The following DIRAS2 variants were observed in gnomAD, a reference collection of about 807,000 sequenced individuals.
DIRAS2 encodes DIRAS family GTPase 2.
In DIRAS2, 5 loss-of-function variants were observed where a neutral mutation model predicts 13.9. The observed-to-expected ratio is 0.36, with a 90% CI of 0.19 to 0.76. The LOEUF is 0.76. Among genes scored for constraint, DIRAS2 ranks in the 30% least tolerant of loss-of-function variants. The pLI, the probability that DIRAS2 is intolerant of heterozygous loss-of-function variation, is 0.53. For missense variants in DIRAS2, 191 were observed against 263.0 expected, an observed-to-expected ratio of 0.73 and a Z score of 1.89; for synonymous variants, 111 against 105.4, an observed-to-expected ratio of 1.05 and a Z score of -0.33.
chr9:90,613,451 C>G lies in DIRAS2; in HGVS notation c.377G>C (p.Ser126Thr). 2 of 1,614,112 alleles carry G rather than the reference C, an allele frequency of 1.2e-6. No individual in the cohort carries two copies. The highest frequency in any genetic ancestry group is 1.7e-6 in the Non-Finnish European group (2 of 1,180,026). Residue 126 changes from serine to threonine, a missense_variant, in exon 2 of 2, where the codon AGC becomes ACC. Ser to Thr is a moderately conservative substitution (Grantham distance 58). Transcript: ENST00000375765. The surrounding 1 kb of genome is among the most constrained non-coding windows in gnomAD (Gnocchi z 5.6). ...GCTGCTCTGCACCTCGCGGCTGGGGCTCTCATCACACTTGTTCCCCACCAG... is the reference window on the plus strand; with the variant it reads ...GCTGCTCTGCACCTCGCGGCTGGGGGTCTCATCACACTTGTTCCCCACCAG... Reference protein sequence around the residue: ...IMLVGNKCDESPSREVQSSEA... With the variant: ...IMLVGNKCDETPSREVQSSEA...
At chr9:90,634,664 G>T (rs1409337476) in intron 1 of DIRAS2, among the ~76,000 whole-genome samples, 1 of 152,166 alleles carries the variant, frequency 6.6e-6, no homozygotes, top group East Asian at 1.9e-4. Flanking sequence ...GGAGGAAAGT[G>T]GATTTAACCA....
chr9:90,623,982 G>A (rs1825245279), intron 1 of DIRAS2, among the ~76,000 whole-genome samples: 1 of 152,170 alleles, frequency 6.6e-6, no homozygotes, highest in South Asian at 2.1e-4. Context: ...TGCCCTAAAT[G>A]TTCTATCTAC....
At chr9:90,632,947 G>A (rs142052379) in intron 1 of DIRAS2, among the ~76,000 whole-genome samples, 1 of 152,306 alleles carries the variant, frequency 6.6e-6, no homozygotes, top group East Asian at 1.9e-4. Context: ...GCTGCTACTT[G>A]GTGATATCCA....
intron 1 of DIRAS2, among the ~76,000 whole-genome samples, chr9:90,634,448 A>G (rs1410338758): frequency 6.6e-6 from 1 of 152,248 alleles, no homozygotes; most frequent in Non-Finnish European, 1.5e-5. Flanking sequence ...AACCTCATAC[A>G]GTCCTAATAC....
At position 90,611,702 on chromosome 9, in the gene DIRAS2, C is replaced by G. The variant is rs147039137; in HGVS notation, c.*1526G>C. 2 of 152,320 alleles carry G rather than the reference C, an allele frequency of 1.3e-5. No individual in the cohort carries two copies. Among genetic ancestry groups the G allele is most frequent in the African/African-American group, 4.8e-5 (2 of 41,456 alleles). 9.4% of individuals were successfully genotyped at this position (152,320 alleles called of 1,614,324 possible). ...CCAACAGCCATGCAGCCCCCACCCCCCCAGGCAGGCCCACGTGGGACTGCA... is the reference window on the plus strand; with the variant it reads ...CCAACAGCCATGCAGCCCCCACCCCGCCAGGCAGGCCCACGTGGGACTGCA... On this transcript the variant is annotated 3_prime_UTR_variant, in exon 2 of 2. Coordinates refer to ENST00000375765, the MANE Select transcript of DIRAS2 (RefSeq NM_017594.5).
At chr9:90,635,519 C>T (rs1355792310) in intron 1 of DIRAS2, among the ~76,000 whole-genome samples, 1 of 152,218 alleles carries the variant, frequency 6.6e-6, no homozygotes, top group African/African-American at 2.4e-5. Context: ...AAATGCTCTA[C>T]ATGCTTCATG....
chr9:90,642,204 T>C (rs1347126091), intron 1 of DIRAS2, among the ~76,000 whole-genome samples: 1 of 152,248 alleles, frequency 6.6e-6, no homozygotes, highest in African/African-American at 2.4e-5. Context: ...TGCAGCCCCT[T>C]GCCCATCTTC....
chr9:90,630,454 T>A (rs146080021), intron 1 of DIRAS2, among the ~76,000 whole-genome samples: 40 of 152,316 alleles, frequency 2.6e-4, no homozygotes, highest in Non-Finnish European at 4.7e-4. Flanking sequence ...ACAGAAAAGA[T>A]CTTGAAGCCA....
intron 1 of DIRAS2, among the ~76,000 whole-genome samples, chr9:90,621,821 T>A (rs72746505): frequency 0.048 from 7,348 of 152,336 alleles, 217 homozygotes; most frequent in South Asian, 0.12. Flanking sequence ...TAACACAATG[T>A]CATTCCTTCC....
chr9:90,620,955 T>C (rs1825214660), intron 1 of DIRAS2, among the ~76,000 whole-genome samples: 1 of 152,132 alleles, frequency 6.6e-6, no homozygotes, highest in African/African-American at 2.4e-5. Context: ...AAAATAAAAT[T>C]TCAAATTTAA....
intron 1 of DIRAS2, among the ~76,000 whole-genome samples, chr9:90,641,102 A>G (rs1419836007): frequency 3.9e-5 from 6 of 152,120 alleles, no homozygotes; most frequent in Admixed American, 3.9e-4. Flanking sequence ...ACAATAAATA[A>G]TTTTTTTAAA....
In DIRAS2 at chr9:90,613,364, T is replaced by C. The variant is rs1564017883; in HGVS notation, c.464A>G (p.Asn155Ser). The C allele has an allele frequency of 1.2e-6, 2 of 1,614,124 alleles. No homozygotes were observed. The highest frequency in any genetic ancestry group is 2.2e-5 in the East Asian group (1 of 44,864). Residue 155 changes from asparagine (N) to serine (S), a missense_variant, in exon 2 of 2, where the codon AAC (asparagine) becomes AGC (serine). Transcript: ENST00000375765. The surrounding 1 kb of genome is among the most constrained non-coding windows in gnomAD (Gnocchi z 5.6). ...CAFMETSAKL[N>S]HNVKELFQEL... Reference sequence around the variant, plus strand: ...CTGGAAAAGCTCCTTCACGTTATGGTTGAGCTTGGCTGAGGTCTCCATGAA... The same window carrying C: ...CTGGAAAAGCTCCTTCACGTTATGGCTGAGCTTGGCTGAGGTCTCCATGAA...
chr9:90,642,168 CCA>C (rs1445445781), intron 1 of DIRAS2, among the ~76,000 whole-genome samples: 1 of 152,262 alleles, frequency 6.6e-6, no homozygotes, highest in Non-Finnish European at 1.5e-5. Flanking sequence ...TGATGGGAAA[CCA>C]CAGTCTTACA....
At position 90,627,012 on chromosome 9, in the gene DIRAS2, T is replaced by A. The variant is rs1825275912; in HGVS notation, c.-36-13149A>T. Among the ~76,000 whole-genome samples, 4 of 152,132 alleles carry A rather than the reference T, an allele frequency of 2.6e-5. No homozygotes were observed. In the South Asian group the frequency reaches 8.3e-4, roughly 32 times the overall value. On this transcript the variant is annotated intron_variant, in intron 1 of 1. Transcript: ENST00000375765. ...GAGGTGTTTGGATCATGGGGGCAGA[T>A]CCCTTATGGCTTGGTGCTATCTTTG...
At chr9:90,625,664 C>T (rs1825261752) in intron 1 of DIRAS2, among the ~76,000 whole-genome samples, 1 of 152,108 alleles carries the variant, frequency 6.6e-6, no homozygotes, top group South Asian at 2.1e-4. Flanking sequence ...CAATTCTATC[C>T]CATTGCTCTA....
At chr9:90,627,867 G>A (rs1410206781) in intron 1 of DIRAS2, among the ~76,000 whole-genome samples, 3 of 152,130 alleles carry the variant, frequency 2.0e-5, no homozygotes, top group Non-Finnish European at 4.4e-5. Flanking sequence ...GTCAGGGGTT[G>A]TGGGGCAAGG....
rs1406384501 is a variant in DIRAS2 at position 90,611,988 on chromosome 9, T to G, written c.*1240A>C. On this transcript the variant is annotated 3_prime_UTR_variant, in exon 2 of 2. Coordinates refer to ENST00000375765, the MANE Select transcript of DIRAS2 (RefSeq NM_017594.5). ...GCTAACACAGGAAACCTGAAATAGC[T>G]GTAATTTGGCTTGAAAGATTAAAGA... 1 of 152,234 alleles carries G rather than the reference T, an allele frequency of 6.6e-6. No homozygotes were observed. The highest frequency in any genetic ancestry group is 1.9e-4 in the East Asian group (1 of 5,200). The allele number at this position is 152,234 out of a possible 1,614,324, so 9.4% of individuals were successfully genotyped here.
chr9:90,638,241 A>G (rs961621991), intron 1 of DIRAS2, among the ~76,000 whole-genome samples: 2 of 152,214 alleles, frequency 1.3e-5, no homozygotes, highest in Non-Finnish European at 2.9e-5. Flanking sequence ...TTAAACTAGC[A>G]TTTAAAGAAT....
chr9:90,625,245 G>C (rs747804926), intron 1 of DIRAS2, among the ~76,000 whole-genome samples: 25 of 152,126 alleles, frequency 1.6e-4, no homozygotes, highest in Non-Finnish European at 3.1e-4. Flanking sequence ...GTCAGCCCGT[G>C]GGCTACCTAT....
Sources: gnomAD v4.1 joint callset for allele counts (sites outside exome capture counted in the v4.1 genomes callset) on GRCh38, gnomAD v4.1.1 for gene constraint, Gnocchi (gnomAD v3.1) non-coding constraint, MANE v1.5 for transcripts, NCBI Gene and HGNC (gene_info 2026-07-23, HGNC 2026-07-21) for gene names.